Variants in VPS8 observed in about 807,000 individuals in gnomAD.
The protein encoded by VPS8 is VPS8 subunit of CORVET complex.
Under a neutral mutation model 216.4 loss-of-function variants are expected in VPS8, and 129 were observed. The ratio of observed to expected loss-of-function variants is 0.60; its 90% CI spans 0.52 to 0.69. VPS8 has a LOEUF of 0.69. VPS8 is among the 30% of genes least tolerant of loss of function. The probability of loss-of-function intolerance (pLI) is 0.00; values close to 1 mark genes in which losing one functional copy is unlikely to be tolerated. For missense variants in VPS8, 1,531 were observed against 1,683.5 expected, an observed-to-expected ratio of 0.91 and a Z score of 1.59; for synonymous variants, 571 against 565.4, an observed-to-expected ratio of 1.01 and a Z score of -0.14.
At chr3:184,987,183 T>C (rs75950584) in intron 42 of VPS8, among the ~76,000 whole-genome samples, 2 of 152,124 alleles carry the variant, frequency 1.3e-5, no homozygotes, top group Admixed American at 6.5e-5. Flanking sequence ...GCGTGATCTC[T>C]GCTCACTGCA....
rs1329225391 is a variant in VPS8 at position 184,859,006 on chromosome 3, G to GAA, written c.1144-978_1144-977insAA. ...TTTGCTCTTGTCTGCAGCTGACCTG[G>GAA]ACACAACTGTTTTGGCAGCCATCAA... On this transcript the variant is annotated intron_variant, in intron 14 of 47. Transcript: ENST00000625842. 2.0e-5 allele frequency among the ~76,000 whole-genome samples: 3 copies of GAA among 152,100 alleles called. No individual in the cohort carries two copies. The East Asian group carries it at 5.8e-4, about 29-fold the overall frequency.
intron 35 of VPS8, 62 bp from the exon 36 acceptor site, chr3:184,940,135 A>T: frequency 9.8e-7 from 1 of 1,018,366 alleles, no homozygotes; most frequent in Non-Finnish European, 1.4e-6. Context: ...GTTCTTTACC[A>T]TGGAATATTT....
At chr3:184,859,229 C>T (rs1725837775) in intron 14 of VPS8, among the ~76,000 whole-genome samples, 1 of 152,146 alleles carries the variant, frequency 6.6e-6, no homozygotes, top group Non-Finnish European at 1.5e-5. Flanking sequence ...ACATCATCTC[C>T]TTCCTTCTTA....
chr3:184,868,327 C>T, intron 18 of VPS8: 1 of 378,226 alleles, frequency 2.6e-6, no homozygotes, highest in East Asian at 5.0e-5. Context: ...GCTAGGTGGT[C>T]CGCAGCTCTT....
At chr3:185,012,670 A>C (rs181911130) in intron 45 of VPS8, among the ~76,000 whole-genome samples, 2 of 152,278 alleles carry the variant, frequency 1.3e-5, no homozygotes, top group East Asian at 1.9e-4. Flanking sequence ...CATTTAAAAA[A>C]AAAAAGAGGC....
At chr3:184,979,818 AT>A (rs1749891767) in intron 40 of VPS8, among the ~76,000 whole-genome samples, 2 of 152,114 alleles carry the variant, frequency 1.3e-5, no homozygotes, top group African/African-American at 4.8e-5. Flanking sequence ...TACTATTGTT[AT>A]GTGCAGATTT....
At chr3:184,996,228 G>A (rs1252491727) in intron 43 of VPS8, 104 bp from the exon 44 acceptor site, 4 of 1,325,586 alleles carry the variant, frequency 3.0e-6, no homozygotes, top group Non-Finnish European at 4.0e-6. Flanking sequence ...AATTTTAGCT[G>A]TTGGTAGTTG....
intron 3 of VPS8, among the ~76,000 whole-genome samples, chr3:184,826,477 CATAG>C (rs1269975315): frequency 6.6e-6 from 1 of 152,172 alleles, no homozygotes; most frequent in Non-Finnish European, 1.5e-5. Context: ...TAGGGGACAG[CATAG>C]ATAAAGAGTA....
intron 16 of VPS8, among the ~76,000 whole-genome samples, chr3:184,864,924 T>A (rs556115451): frequency 1.7e-4 from 26 of 152,226 alleles, no homozygotes; most frequent in Admixed American, 1.6e-3. Context: ...AAAGACATAG[T>A]AGTTATTATG....
intron 22 of VPS8, 112 bp downstream of exon 22, chr3:184,886,268 A>G (rs1731212237): frequency 9.8e-7 from 1 of 1,018,822 alleles, no homozygotes; most frequent in East Asian, 2.7e-5. Flanking sequence ...AAAAATATTA[A>G]TTTATAGAAA....
chr3:184,930,570 T>C lies in VPS8; in HGVS notation c.2898+2T>C. On this transcript the variant is annotated splice_donor_variant, in intron 34 of 47. Coordinates refer to ENST00000625842, the MANE Select transcript of VPS8 (RefSeq NM_001009921.3). LOFTEE classifies it high-confidence loss of function. ...CAGAAAGCAATGGATCATATTGAGG[T>C]ACTGATGCGCAAAACTTCACACTTC... The C allele has an allele frequency of 6.2e-7, 1 of 1,608,376 alleles. No individual in the cohort carries two copies. The highest frequency in any genetic ancestry group is 8.5e-7 in the Non-Finnish European group (1 of 1,174,966).
chr3:185,035,404 C>T (rs555605384), intron 46 of VPS8, among the ~76,000 whole-genome samples: 22 of 152,094 alleles, frequency 1.4e-4, no homozygotes, highest in Non-Finnish European at 2.9e-4. Context: ...AAAAAGTTAA[C>T]TCACCACAAT....
chr3:184,970,196 G>A (rs1017035615), intron 39 of VPS8, among the ~76,000 whole-genome samples: 1 of 152,116 alleles, frequency 6.6e-6, no homozygotes, highest in African/African-American at 2.4e-5. Flanking sequence ...ACAGGCATGA[G>A]CCACCACGAC....
At chr3:184,926,511 G>T in intron 30 of VPS8, 83 bp from the exon 31 acceptor site, 38 of 1,394,202 alleles carry the variant, frequency 2.7e-5, no homozygotes, top group Non-Finnish European at 3.6e-5. Context: ...TTGGTTATTT[G>T]AAAGGGTAGT....
chr3:184,982,901 A>G, intron 41 of VPS8, 111 bp from the exon 42 acceptor site: 3 of 962,960 alleles, frequency 3.1e-6, no homozygotes, highest in South Asian at 4.5e-5. Flanking sequence ...GGCCTTGGTT[A>G]GCTAAGTTTC....
intron 27 of VPS8, 68 bp from the exon 28 acceptor site, chr3:184,915,287 G>A (rs1737340034): frequency 1.9e-6 from 3 of 1,546,378 alleles, no homozygotes; most frequent in Non-Finnish European, 2.6e-6. Context: ...ATCCAAATGA[G>A]AATCACTGCT....
rs141169650 is a variant in VPS8 at position 184,852,514 on chromosome 3, A to G, written c.768A>G (p.Pro256=). 1 of 1,613,664 alleles carries G rather than the reference A, an allele frequency of 6.2e-7. No homozygotes were observed. The highest frequency in any genetic ancestry group is 1.3e-5 in the African/African-American group (1 of 75,048). ...AILHIKFTDD[P]TLAICNDSGG... ...TCTCTGTTTAGTTTACAGATGATCC[A>G]ACTCTTGCAATTTGCAACGACAGCG... The change falls in exon 11 of 48, where the codon CCA becomes CCG. Residue 256 remains proline, a synonymous_variant. Coordinates refer to ENST00000625842, the MANE Select transcript of VPS8 (RefSeq NM_001009921.3).
Position 184,913,566 on chromosome 3 carries a change from G to T in VPS8, c.2189+5G>T. On this transcript the variant is annotated splice_donor_5th_base_variant and intron_variant, in intron 26 of 47. Coordinates refer to ENST00000625842, the MANE Select transcript of VPS8 (RefSeq NM_001009921.3). ...TAAGCTCCTTGTATATATTAGGTAAGATTGTTTTATTTATTCATCTGCATG... is the reference window on the plus strand; with the variant it reads ...TAAGCTCCTTGTATATATTAGGTAATATTGTTTTATTTATTCATCTGCATG... 1 of 1,565,272 alleles carries T rather than the reference G, an allele frequency of 6.4e-7. No homozygotes were observed. The highest frequency in any genetic ancestry group is 8.7e-7 in the Non-Finnish European group (1 of 1,153,400).
At chr3:184,817,981 C>T (rs1451843682) in intron 1 of VPS8, among the ~76,000 whole-genome samples, 1 of 152,006 alleles carries the variant, frequency 6.6e-6, no homozygotes, top group Non-Finnish European at 1.5e-5. Context: ...AGGTCATAGG[C>T]AGATCCAGTT....
Sources: gnomAD v4.1 joint callset for allele counts (sites outside exome capture counted in the v4.1 genomes callset) on GRCh38, gnomAD v4.1.1 for gene constraint, MANE v1.5 for transcripts, NCBI Gene and HGNC (gene_info 2026-07-23, HGNC 2026-07-21) for gene names.